SYT17: variants seen among roughly 807,000 people sequenced by gnomAD.
SYT17 encodes the protein synaptotagmin-17.
SYT17 carries 22 observed loss-of-function variants against 46.7 expected under a neutral mutation model. The observed-to-expected ratio is 0.47, with a 90% CI of 0.34 to 0.67. The LOEUF (loss-of-function observed/expected upper bound fraction) is 0.67, where lower values mean the gene tolerates loss of function less well. Among genes scored for constraint, SYT17 ranks in the 30% least tolerant of loss-of-function variants. SYT17 has a pLI of 0.01. For missense variants in SYT17, 519 were observed against 612.8 expected (o/e 0.85, Z 1.62); for synonymous variants, 251 against 248.4 (o/e 1.01, Z -0.10).
At chr16:19,213,625 T>A (rs1965986712) in intron 5 of SYT17, among the ~76,000 whole-genome samples, 2 of 152,186 alleles carry the variant, frequency 1.3e-5, no homozygotes, top group African/African-American at 4.8e-5. Flanking sequence ...TCCTCCTGTC[T>A]CAGCCTCCTG....
At chr16:19,264,717 G>A (rs1002930997) in intron 7 of SYT17, among the ~76,000 whole-genome samples, 1 of 151,576 alleles carries the variant, frequency 6.6e-6, no homozygotes, top group Non-Finnish European at 1.5e-5. Context: ...TCAGCCTCCT[G>A]AGTAGCTGGG....
intron 5 of SYT17, among the ~76,000 whole-genome samples, chr16:19,202,504 T>C (rs1161349029): frequency 2.0e-5 from 3 of 152,196 alleles, no homozygotes; most frequent in African/African-American, 7.2e-5. Context: ...TCCCTTCATT[T>C]AGGGTTTATA....
At chr16:19,190,650 A>G (rs1298945426) in intron 5 of SYT17, among the ~76,000 whole-genome samples, 3 of 152,258 alleles carry the variant, frequency 2.0e-5, no homozygotes, top group African/African-American at 7.2e-5. Context: ...AAGTAGAGTC[A>G]TAGATTATTT....
intron 7 of SYT17, among the ~76,000 whole-genome samples, chr16:19,264,549 T>A (rs1969225074): frequency 6.6e-6 from 1 of 151,866 alleles, no homozygotes; most frequent in Non-Finnish European, 1.5e-5. Flanking sequence ...CAACTTGCTT[T>A]TCCACCAGCG....
At chr16:19,219,408 CAAAAAAAAAAAAAAAAAAAAAA>C (rs1245756343) in intron 5 of SYT17, among the ~76,000 whole-genome samples, 1 of 1,344 alleles carries the variant, frequency 7.4e-4, no homozygotes, top group Non-Finnish European at 1.2e-3. Context: ...GACTCCGTCT[CAAAAAAAAAAAAAAAAAAAAAA>C]AAAAAAAAAA....
At chr16:19,266,510 T>C (rs1195559967) in intron 7 of SYT17, among the ~76,000 whole-genome samples, 5 of 152,226 alleles carry the variant, frequency 3.3e-5, no homozygotes, top group Non-Finnish European at 7.3e-5. Context: ...CCACTAGAAC[T>C]ATCCACTTAC....
intron 4 of SYT17, among the ~76,000 whole-genome samples, chr16:19,181,952 T>C (rs1340452903): frequency 2.0e-5 from 3 of 148,006 alleles, no homozygotes; most frequent in South Asian, 2.1e-4. Context: ...TGAGCCGAGA[T>C]TGCACCACTA....
chr16:19,201,543 C>T (rs1393735625), intron 5 of SYT17, among the ~76,000 whole-genome samples: 1 of 151,860 alleles, frequency 6.6e-6, no homozygotes, highest in Non-Finnish European at 1.5e-5. Context: ...CAAATAGAAG[C>T]CACAGATATC....
chr16:19,177,802 A>G (rs1171153977), intron 3 of SYT17, among the ~76,000 whole-genome samples: 2 of 152,230 alleles, frequency 1.3e-5, no homozygotes, highest in African/African-American at 4.8e-5. Context: ...CAATGCCAGA[A>G]AGACCCTCAT....
chr16:19,232,297 C>T (rs1272578006), intron 7 of SYT17, among the ~76,000 whole-genome samples: 2 of 152,180 alleles, frequency 1.3e-5, no homozygotes, highest in African/African-American at 4.8e-5. Flanking sequence ...TGGTGTCTCT[C>T]TAAGACTAGA....
chr16:19,256,033 T>A (rs1257405228), intron 7 of SYT17, among the ~76,000 whole-genome samples: 1 of 152,180 alleles, frequency 6.6e-6, no homozygotes, highest in African/African-American at 2.4e-5. Context: ...GGACGATGCA[T>A]CATGCTATCA....
chr16:19,261,414 C>G (rs1443614461), intron 7 of SYT17, among the ~76,000 whole-genome samples: 2 of 152,220 alleles, frequency 1.3e-5, no homozygotes, highest in Non-Finnish European at 1.5e-5. Context: ...CTCAAGCGCT[C>G]CCACCTTTCA....
chr16:19,180,502 A>G lies in SYT17; in HGVS notation c.294A>G (p.Thr98=), dbSNP rs1444551777. Residue 98 remains threonine (T), a synonymous_variant, in exon 4 of 8, where the codon ACA becomes ACG. Transcript: ENST00000355377. ...ATGGAAGACGCTCGTCCTCAGACAC[A>G]TCCAAGTCTACATACAGCCTGACGC... The part of the protein sequence containing the change: ...SPDGRRSSSD[T]SKSTYSLTRR... 6.2e-7 allele frequency: 1 copy of G among 1,614,196 alleles called. No homozygotes were observed.
intron 5 of SYT17, among the ~76,000 whole-genome samples, chr16:19,186,778 T>C (rs538480514): frequency 6.6e-6 from 1 of 152,362 alleles, no homozygotes; most frequent in South Asian, 2.1e-4. Context: ...GTTTTCCTTC[T>C]CTTCTCCCCT....
chr16:19,176,827 G>T (rs960573201), intron 3 of SYT17, among the ~76,000 whole-genome samples: 4 of 152,124 alleles, frequency 2.6e-5, no homozygotes, highest in Non-Finnish European at 4.4e-5. Flanking sequence ...GTGAATTATC[G>T]CTTGATTAAT....
chr16:19,225,051 T>G (rs778034211), intron 7 of SYT17, among the ~76,000 whole-genome samples: 9 of 152,188 alleles, frequency 5.9e-5, no homozygotes, highest in Admixed American at 5.2e-4. Flanking sequence ...GAGCCAAATT[T>G]CCTCAGACTG....
At position 19,183,096 on chromosome 16, in the gene SYT17, A is replaced by G. The variant is rs1160400197; in HGVS notation, c.332-432A>G. On this transcript the variant is annotated intron_variant, in intron 4 of 7. Transcript: ENST00000355377. This position sits in a 1 kb window ranked among gnomAD's most constrained non-coding sequence, Gnocchi z 5.6. ...GAGCTCACTCTCTTAAAGTGGAGAC[A>G]TCGTAGGATAATGGTTAGAGCCAGA... 6.6e-6 allele frequency among the ~76,000 whole-genome samples: 1 copy of G among 152,210 alleles called. No individual in the cohort carries two copies. Among genetic ancestry groups the G allele is most frequent in the Non-Finnish European group, 1.5e-5 (1 of 68,036 alleles).
At chr16:19,210,586 T>C (rs1567214083) in intron 5 of SYT17, among the ~76,000 whole-genome samples, 1 of 151,872 alleles carries the variant, frequency 6.6e-6, no homozygotes, top group Admixed American at 6.6e-5. Context: ...GGTTGAGGTA[T>C]TGACAAAGAC....
intron 7 of SYT17, chr16:19,249,885 T>G: frequency 6.6e-7 from 1 of 1,517,824 alleles, no homozygotes; most frequent in South Asian, 1.2e-5. Context: ...CAGGTCGTCT[T>G]GTCTTGCTCA....
Sources: gnomAD v4.1 joint callset for allele counts (sites outside exome capture counted in the v4.1 genomes callset) on GRCh38, gnomAD v4.1.1 for gene constraint, Gnocchi (gnomAD v3.1) non-coding constraint, MANE v1.5 for transcripts, NCBI Gene and HGNC (gene_info 2026-07-23, HGNC 2026-07-21) for gene names.